Variants in DENND1A observed in about 807,000 individuals in gnomAD.
DENND1A encodes DENN domain containing 1A.
A neutral mutation model predicts 113.7 loss-of-function variants in DENND1A; 51 were observed. The observed-to-expected ratio is 0.45, with a 90% CI of 0.36 to 0.57. DENND1A has a LOEUF of 0.57. Among genes scored for constraint, DENND1A ranks in the 20% least tolerant of loss-of-function variants. The pLI is 0.00. For synonymous variants in DENND1A, 565 were observed against 570.8 expected (o/e 0.99, Z 0.14); for missense variants, 1,258 against 1,395.9 (o/e 0.90, Z 1.57).
At chr9:123,559,616 T>A (rs2057622082) in intron 12 of DENND1A, among the ~76,000 whole-genome samples, 1 of 152,144 alleles carries the variant, frequency 6.6e-6, no homozygotes, top group Non-Finnish European at 1.5e-5. Flanking sequence ...TTAGAAATGA[T>A]CCACGCACAT....
intron 13 of DENND1A, chr9:123,485,634 GCGTACACACACGCGCGCGCGCGCACACA>G (rs2050748265): frequency 7.6e-6 from 1 of 132,044 alleles, no homozygotes; most frequent in Admixed American, 7.4e-5. Context: ...GTGTGTGTGC[GCGTACACACACGCGCGCGCGCGCACACA>G]CACACACACA....
At chr9:123,705,899 A>G (rs2066163391) in intron 5 of DENND1A, among the ~76,000 whole-genome samples, 1 of 152,218 alleles carries the variant, frequency 6.6e-6, no homozygotes, top group South Asian at 2.1e-4. Context: ...TATTAAGACC[A>G]TAGTAATTGA....
intron 13 of DENND1A, among the ~76,000 whole-genome samples, chr9:123,476,633 C>T (rs1344639575): frequency 1.3e-5 from 2 of 152,194 alleles, no homozygotes; most frequent in East Asian, 1.9e-4. Flanking sequence ...ATGATTCTAA[C>T]GCATTTGGGA....
In DENND1A at chr9:123,382,380, C is replaced by T. The variant is rs571377041; in HGVS notation, c.2265G>A (p.Leu755=). ...SDKEEVPTPT[L]GSITIPRPQG... ...GGGGCCGGGGGATGGTGATGCTGCC[C>T]AGAGTAGGGGTGGGCACCTCCTCCT... The change falls in exon 24 of 24, where the codon CTG becomes CTA. Residue 755 remains leucine (L), a synonymous_variant. Transcript: ENST00000394215. 1.9e-6 allele frequency: 3 copies of T among 1,598,832 alleles called. No homozygotes were observed. Among genetic ancestry groups the T allele is most frequent in the Admixed American group, 3.4e-5 (2 of 59,174 alleles).
intron 2 of DENND1A, among the ~76,000 whole-genome samples, chr9:123,845,777 A>G (rs1448622477): frequency 6.6e-6 from 1 of 152,034 alleles, no homozygotes; most frequent in African/African-American, 2.4e-5. Flanking sequence ...AACTTAGAAG[A>G]AAACACAGAA....
At chr9:123,569,799 TG>T (rs1163431247) in intron 12 of DENND1A, among the ~76,000 whole-genome samples, 6 of 152,130 alleles carry the variant, frequency 3.9e-5, no homozygotes, top group Non-Finnish European at 8.8e-5. Context: ...GGGAAAGCTT[TG>T]GTCAGATTCT....
chr9:123,651,942 T>G, intron 9 of DENND1A, 71 bp downstream of exon 9: 1 of 1,398,056 alleles, frequency 7.2e-7, no homozygotes, highest in Non-Finnish European at 9.8e-7. Flanking sequence ...AAAATTTTCT[T>G]TCATCTTGCT....
At chr9:123,664,982 C>T (rs1269701510) in intron 8 of DENND1A, among the ~76,000 whole-genome samples, 7 of 152,190 alleles carry the variant, frequency 4.6e-5, no homozygotes, top group African/African-American at 7.2e-5. Flanking sequence ...GAATTGACTG[C>T]AACTATCAGT....
chr9:123,848,259 A>G (rs1271196571), intron 2 of DENND1A, among the ~76,000 whole-genome samples: 1 of 134,174 alleles, frequency 7.5e-6, no homozygotes, highest in African/African-American at 2.8e-5. Context: ...AAAAAAAAAC[A>G]AATTGAAAGT....
At chr9:123,483,131 CT>C (rs1182047921) in intron 13 of DENND1A, among the ~76,000 whole-genome samples, 2 of 152,160 alleles carry the variant, frequency 1.3e-5, no homozygotes, top group Non-Finnish European at 2.9e-5. Flanking sequence ...CAAGAGTTGA[CT>C]TGGATGCAAG....
intron 19 of DENND1A, among the ~76,000 whole-genome samples, chr9:123,434,894 G>T (rs935052650): frequency 5.3e-5 from 8 of 152,216 alleles, no homozygotes; most frequent in Non-Finnish European, 1.0e-4. Flanking sequence ...GGGAGTACCA[G>T]TTAGGAGCCT....
intron 2 of DENND1A, among the ~76,000 whole-genome samples, chr9:123,805,284 C>G (rs974433029): frequency 6.6e-6 from 1 of 151,976 alleles, no homozygotes; most frequent in Admixed American, 6.6e-5. Flanking sequence ...AGTAGCTTCT[C>G]TTTTTCAAAA....
intron 5 of DENND1A, among the ~76,000 whole-genome samples, chr9:123,715,599 T>TA (rs1165737156): frequency 6.6e-6 from 1 of 152,226 alleles, no homozygotes; most frequent in Non-Finnish European, 1.5e-5. Flanking sequence ...TAACCTAAAG[T>TA]ACTCAGACTC....
At chr9:123,458,004 C>CTT (rs71390436) in intron 13 of DENND1A, 107 bp from the exon 14 acceptor site, 30,353 of 562,330 alleles carry the variant, frequency 0.054, 3 homozygotes, top group Middle Eastern at 0.07. Context: ...TTTTCTTTTC[C>CTT]TTTTTTTTTT....
rs117248755 is a variant in DENND1A, at chr9:123,627,936, C to T, written c.719+2440G>A. ...GGTCTATAAAGTGCATTAGCACATACGTTATTTTATTTCATCCTAGAAACA... is the reference window on the plus strand; with the variant it reads ...GGTCTATAAAGTGCATTAGCACATATGTTATTTTATTTCATCCTAGAAACA... On this transcript the variant is annotated intron_variant, in intron 10 of 23. Transcript: ENST00000394215. 1.3e-3 allele frequency among the ~76,000 whole-genome samples: 203 copies of T among 152,040 alleles called. 3 individuals are homozygous for T. The East Asian group carries it at 0.036, about 27-fold the overall frequency.
rs777747780 is a variant in DENND1A, at chr9:123,381,733, G to A, written c.2912C>T (p.Pro971Leu). ...CGGGGCAACTGCTGGGGGACCCAGC[G>A]GCTGTAGGGGGCTCGTGTGGGTGCC... ...PMGTHTSPLQ[P>L]LGPPAVAPSR... is the part of the protein sequence containing the mutation. Residue 971 changes from proline to leucine, a missense_variant, in exon 24 of 24, where the codon CCG becomes CTG. Physicochemically the swap from Pro to Leu is moderately conservative, Grantham distance 98. Around this residue, in one of 2 missense-constraint regions of DENND1A, gnomAD observed 1,159 missense variants for 1,231.7 expected, o/e 0.94. Transcript: ENST00000394215. The surrounding 1 kb of genome is among the most constrained non-coding windows in gnomAD (Gnocchi z 4.7). 16 of 1,517,218 alleles carry A rather than the reference G, an allele frequency of 1.1e-5. No individual in the cohort carries two copies. Among genetic ancestry groups the A allele is most frequent in the East Asian group, 2.4e-5 (1 of 41,070 alleles). The allele number at this position is 1,517,218 out of a possible 1,614,324, so 94.0% of individuals were successfully genotyped here.
At chr9:123,630,785 A>G (rs1471002787) in intron 9 of DENND1A, among the ~76,000 whole-genome samples, 1 of 152,220 alleles carries the variant, frequency 6.6e-6, no homozygotes, top group East Asian at 1.9e-4. Flanking sequence ...ACACACAAGC[A>G]CATATATTCC....
chr9:123,872,483 T>G (rs746418598), intron 2 of DENND1A, among the ~76,000 whole-genome samples: 10 of 151,888 alleles, frequency 6.6e-5, no homozygotes, highest in Admixed American at 2.6e-4. Flanking sequence ...TAGCTGAGAG[T>G]TCAGAAAAAA....
rs192220899 is a variant in DENND1A, at chr9:123,866,903, T to C, written c.88+12048A>G. On this transcript the variant is annotated intron_variant, in intron 2 of 23. Coordinates refer to ENST00000394215, the MANE Select transcript of DENND1A (RefSeq NM_001352964.2). ...AGTCTACAGACTGGCCATTATACTG[T>C]TTTTATTACAAATTATTCAAAGATA... Among the ~76,000 whole-genome samples the C allele has an allele frequency of 1.2e-3, 189 of 152,332 alleles. 2 individuals are homozygous for C. Among genetic ancestry groups the C allele is most frequent in the Non-Finnish European group, 1.6e-3 (107 of 68,012 alleles).
Sources: allele counts gnomAD v4.1 joint callset (sites outside exome capture counted in the v4.1 genomes callset), GRCh38; gene constraint gnomAD v4.1.1; regional missense constraint gnomAD v4.1.1; non-coding constraint Gnocchi (gnomAD v3.1); transcripts MANE v1.5; gene names NCBI Gene and HGNC (gene_info 2026-07-23, HGNC 2026-07-21).